ZSCAN25: variants seen among roughly 807,000 people sequenced by gnomAD.
ZSCAN25 encodes zinc finger and SCAN domain containing 25.
ZSCAN25 carries 27 observed loss-of-function variants against 38.7 expected under a neutral mutation model. The observed-to-expected ratio is 0.70, with a 90% CI of 0.51 to 0.96. The LOEUF is 0.96. Ranked by LOEUF, ZSCAN25 falls within the 40% of genes least tolerant of loss-of-function variation. The pLI is 0.00. For synonymous variants in ZSCAN25, 273 were observed against 277.7 expected, an observed-to-expected ratio of 0.98 and a Z score of 0.17; for missense variants, 637 against 705.9, an observed-to-expected ratio of 0.90 and a Z score of 1.11.
At chr7:99,666,784 T>C in the ZSCAN25 span, 4 of 1,601,202 alleles carry the variant, frequency 2.5e-6, no homozygotes, top group Admixed American at 5.1e-5. Context: ...TAAGTGACAT[T>C]TTGTAATGAA....
chr7:99,620,625 AC>A (rs2151257843), intron 4 of ZSCAN25: 1 of 152,336 alleles, frequency 6.6e-6, no homozygotes, highest in East Asian at 1.9e-4. Flanking sequence ...CACTCTCGTC[AC>A]CCTGACTTCC....
chr7:99,639,383 A>C, the ZSCAN25 span, among the ~76,000 whole-genome samples: 12 of 152,318 alleles, frequency 7.9e-5, no homozygotes, highest in East Asian at 2.3e-3. Flanking sequence ...ATTGTCAAGC[A>C]GAGTCAAGAG....
the ZSCAN25 span, chr7:99,648,235 C>CT: frequency 5.8e-6 from 9 of 1,562,392 alleles, no homozygotes; most frequent in Non-Finnish European, 7.8e-6. Context: ...GTTTTATTGA[C>CT]TAAGTTGAAA....
At chr7:99,666,655 A>C in the ZSCAN25 span, 1 of 1,614,100 alleles carries the variant, frequency 6.2e-7, no homozygotes, top group Non-Finnish European at 8.5e-7. Flanking sequence ...GTTTCTCACC[A>C]ATACATCTCC....
At chr7:99,647,566 G>C in the ZSCAN25 span, 2 of 985,138 alleles carry the variant, frequency 2.0e-6, no homozygotes, top group Non-Finnish European at 2.4e-6. Context: ...GGGGAGATGT[G>C]GTAAAAATAA....
the ZSCAN25 span, among the ~76,000 whole-genome samples, chr7:99,690,520 T>C: frequency 6.6e-6 from 1 of 152,032 alleles, no homozygotes; most frequent in African/African-American, 2.4e-5. Flanking sequence ...ACCTACAGAA[T>C]GGGAGAAAAT....
chr7:99,718,318 T>C, the ZSCAN25 span, among the ~76,000 whole-genome samples: 4 of 152,188 alleles, frequency 2.6e-5, no homozygotes, highest in Non-Finnish European at 5.9e-5. Context: ...TTTGAAGAAA[T>C]AATGCGATTC....
the ZSCAN25 span, among the ~76,000 whole-genome samples, chr7:99,726,674 T>A: frequency 6.6e-6 from 1 of 152,232 alleles, no homozygotes. Flanking sequence ...AAGCTCTCTC[T>A]CATGATTTAC....
Position 99,629,550 on chromosome 7 carries a change from T to G in ZSCAN25, c.1165T>G (p.Tyr389Asp). 1 of 1,614,062 alleles carries G rather than the reference T, an allele frequency of 6.2e-7. No individual in the cohort carries two copies. Among genetic ancestry groups the G allele is most frequent in the Non-Finnish European group, 8.5e-7 (1 of 1,180,002 alleles). The change falls in exon 8 of 8, where the codon TAC becomes GAC. Residue 389 changes from tyrosine to aspartate, a missense_variant. Physicochemically the swap from Tyr to Asp is radical, Grantham distance 160 (BLOSUM62 -3). Transcript: ENST00000394152. This position sits in a 1 kb window ranked among gnomAD's most constrained non-coding sequence, Gnocchi z 5.6. The stretch of plus-strand genomic sequence containing the variant: ...TGGGAAGGGCTTTACCCTGAGAGAA[T>G]ACCTGATGAAGCACCAGAGAACCCA... ...ECGKGFTLRE[Y>D]LMKHQRTHLG...
At chr7:99,692,047 C>T in the ZSCAN25 span, among the ~76,000 whole-genome samples, 1 of 152,242 alleles carries the variant, frequency 6.6e-6, no homozygotes, top group Non-Finnish European at 1.5e-5. Flanking sequence ...TCTTTCTTTC[C>T]ATGTTTAGTG....
the ZSCAN25 span, chr7:99,722,323 C>T: frequency 4.3e-6 from 7 of 1,613,424 alleles, no homozygotes; most frequent in African/African-American, 9.3e-5. Flanking sequence ...CTTTTTATAA[C>T]ATTCCATGTC....
the ZSCAN25 span, among the ~76,000 whole-genome samples, chr7:99,668,562 G>A: frequency 1.3e-5 from 2 of 152,190 alleles, no homozygotes; most frequent in Non-Finnish European, 2.9e-5. Context: ...ATGGAAAGGG[G>A]TAATCAGAGT....
At chr7:99,708,016 A>G in the ZSCAN25 span, 1 of 1,613,176 alleles carries the variant, frequency 6.2e-7, no homozygotes, top group Non-Finnish European at 8.5e-7. Flanking sequence ...TAAAGACATA[A>G]TACCTCTAAG....
downstream of ZSCAN25, among the ~76,000 whole-genome samples, chr7:99,635,836 A>G (rs1410588495): frequency 6.6e-6 from 1 of 152,044 alleles, no homozygotes; most frequent in Non-Finnish European, 1.5e-5. Flanking sequence ...TCACGAGGTC[A>G]GGAGATCGAG....
At chr7:99,636,699 G>A (rs1051550743), downstream of ZSCAN25, among the ~76,000 whole-genome samples, 1 of 152,222 alleles carries the variant, frequency 6.6e-6, no homozygotes, top group Non-Finnish European at 1.5e-5. Flanking sequence ...ATAGGAGCCA[G>A]ATGCTGCTTT....
At chr7:99,727,071 T>C in the ZSCAN25 span, among the ~76,000 whole-genome samples, 1 of 152,152 alleles carries the variant, frequency 6.6e-6, no homozygotes, top group Non-Finnish European at 1.5e-5. Flanking sequence ...AAGTCCTAAA[T>C]CCTTTCCTCA....
the ZSCAN25 span, chr7:99,715,640 G>T: frequency 6.5e-7 from 1 of 1,537,076 alleles, no homozygotes; most frequent in Non-Finnish European, 9.0e-7. Flanking sequence ...ATCTTCAAAT[G>T]TACTACAAAC....
chr7:99,640,860 T>A, the ZSCAN25 span, among the ~76,000 whole-genome samples: 1 of 152,196 alleles, frequency 6.6e-6, no homozygotes, highest in Non-Finnish European at 1.5e-5. Flanking sequence ...GTAGTATATG[T>A]GTTGTGCCCT....
chr7:99,730,734 A>G, the ZSCAN25 span: 1 of 302,254 alleles, frequency 3.3e-6, no homozygotes. Context: ...CTAACTAAGT[A>G]TGGCTGTACC....
Sources: gnomAD v4.1 joint callset for allele counts (sites outside exome capture counted in the v4.1 genomes callset) on GRCh38, gnomAD v4.1.1 for gene constraint, Gnocchi (gnomAD v3.1) non-coding constraint, MANE v1.5 for transcripts, NCBI Gene and HGNC (gene_info 2026-07-23, HGNC 2026-07-21) for gene names.